The following SHISA9 variants were observed in gnomAD, a reference collection of about 807,000 sequenced individuals.
SHISA9 encodes the protein shisa family member 9.
Under a neutral mutation model 38.0 loss-of-function variants are expected in SHISA9, and 13 were observed. The ratio of observed to expected loss-of-function variants is 0.34; its 90% CI spans 0.22 to 0.54. SHISA9 has a LOEUF of 0.54. SHISA9 is among the 20% of genes least tolerant of loss of function. The pLI is 0.91. For missense variants in SHISA9, 538 were observed against 575.8 expected, an observed-to-expected ratio of 0.93 and a Z score of 0.67; for synonymous variants, 275 against 242.0, an observed-to-expected ratio of 1.14 and a Z score of -1.27.
At chr16:13,433,405 T>C in the SHISA9 span, among the ~76,000 whole-genome samples, 1 of 152,216 alleles carries the variant, frequency 6.6e-6, no homozygotes, top group African/African-American at 2.4e-5. Context: ...CTTAGAAAAA[T>C]GTAGTTAGTG....
chr16:13,517,232 C>T, the SHISA9 span, among the ~76,000 whole-genome samples: 8 of 152,128 alleles, frequency 5.3e-5, no homozygotes, highest in South Asian at 4.1e-4. Context: ...TGGTAACCAT[C>T]GGAAGCTAAG....
intron 2 of SHISA9, among the ~76,000 whole-genome samples, chr16:12,969,072 G>A (rs1324394099): frequency 2.6e-5 from 4 of 151,502 alleles, no homozygotes; most frequent in Admixed American, 2.0e-4. Context: ...CTGGAGAATC[G>A]CTTGAACCTA....
chr16:13,138,043 C>G (rs2050365704), intron 2 of SHISA9, among the ~76,000 whole-genome samples: 1 of 152,170 alleles, frequency 6.6e-6, no homozygotes, highest in South Asian at 2.1e-4. Context: ...GAGATTCTGA[C>G]TCGGTGGGTC....
At chr16:13,363,787 T>C in the SHISA9 span, among the ~76,000 whole-genome samples, 1 of 152,210 alleles carries the variant, frequency 6.6e-6, no homozygotes, top group Admixed American at 6.5e-5. Flanking sequence ...TTCCTTAGCA[T>C]GCATGATAGA....
At chr16:13,132,950 G>T (rs1016888747) in intron 2 of SHISA9, among the ~76,000 whole-genome samples, 2 of 152,188 alleles carry the variant, frequency 1.3e-5, no homozygotes, top group Non-Finnish European at 2.9e-5. Context: ...CCATCACTTG[G>T]GGAAGGTGTA....
chr16:12,920,239 G>A (rs1488442578), intron 2 of SHISA9, among the ~76,000 whole-genome samples: 1 of 152,174 alleles, frequency 6.6e-6, no homozygotes, highest in East Asian at 1.9e-4. Flanking sequence ...GTTAATGGGT[G>A]CAGCACACCA....
intron 2 of SHISA9, among the ~76,000 whole-genome samples, chr16:12,941,076 G>T (rs1432258367): frequency 6.6e-6 from 1 of 152,222 alleles, no homozygotes; most frequent in East Asian, 1.9e-4. Context: ...TTTTGGCCAG[G>T]TGCAATGGCT....
At chr16:13,461,856 G>A in the SHISA9 span, among the ~76,000 whole-genome samples, 33 of 151,752 alleles carry the variant, frequency 2.2e-4, no homozygotes, top group South Asian at 2.5e-3. Flanking sequence ...CTCGTGATCC[G>A]CCCACCTCGG....
At chr16:13,544,692 C>A in the SHISA9 span, among the ~76,000 whole-genome samples, 1 of 151,996 alleles carries the variant, frequency 6.6e-6, no homozygotes, top group Non-Finnish European at 1.5e-5. Context: ...CCTGTAATCC[C>A]AGCACTTTGG....
At chr16:13,265,335 C>T in the SHISA9 span, among the ~76,000 whole-genome samples, 1 of 109,802 alleles carries the variant, frequency 9.1e-6, no homozygotes. Context: ...TCTTTCCCCT[C>T]CCCTTTCATC....
At chr16:12,993,470 A>G (rs2072415858) in intron 2 of SHISA9, among the ~76,000 whole-genome samples, 1 of 152,162 alleles carries the variant, frequency 6.6e-6, no homozygotes, top group Non-Finnish European at 1.5e-5. Context: ...TCCTTCAATC[A>G]ATACATCTAG....
the SHISA9 span, among the ~76,000 whole-genome samples, chr16:13,247,943 G>A: frequency 5.9e-5 from 9 of 152,204 alleles, no homozygotes; most frequent in South Asian, 1.9e-3. Context: ...AATTTACAAT[G>A]TGCGGGTGCC....
chr16:13,028,134 G>T (rs2072947768), intron 2 of SHISA9, among the ~76,000 whole-genome samples: 1 of 151,960 alleles, frequency 6.6e-6, no homozygotes, highest in African/African-American at 2.4e-5. Flanking sequence ...GATTGTCATG[G>T]TGGTCTTGAC....
chr16:13,403,947 T>TCA, the SHISA9 span, among the ~76,000 whole-genome samples: 2 of 152,186 alleles, frequency 1.3e-5, no homozygotes, highest in Non-Finnish European at 2.9e-5. Flanking sequence ...GATGTTTCTG[T>TCA]GACCCTATCA....
chr16:13,539,358 T>TATATATAA, the SHISA9 span, among the ~76,000 whole-genome samples: 87 of 65,296 alleles, frequency 1.3e-3, 2 homozygotes, highest in Admixed American at 3.8e-3. Flanking sequence ...TATATATATA[T>TATATATAA]AAAGACAGGA....
chr16:13,420,245 CAAAAAAAAAAAAAAAAA>C, the SHISA9 span, among the ~76,000 whole-genome samples: 138 of 50,418 alleles, frequency 2.7e-3, 1 homozygote, highest in East Asian at 0.056. Flanking sequence ...GAATCTGTTT[CAAAAAAAAAAAAAAAAA>C]AAAAAAAAAA....
At chr16:13,266,725 T>C in the SHISA9 span, among the ~76,000 whole-genome samples, 1 of 152,036 alleles carries the variant, frequency 6.6e-6, no homozygotes, top group Non-Finnish European at 1.5e-5. Context: ...GAGTAGGTAG[T>C]GGTGGGTGGA....
intron 2 of SHISA9, among the ~76,000 whole-genome samples, chr16:13,187,442 C>T (rs1288863597): frequency 6.8e-6 from 1 of 147,178 alleles, no homozygotes; most frequent in Non-Finnish European, 1.5e-5. Context: ...TCAAGCGATT[C>T]TCCTGTCTCA....
chr16:13,072,439 C>T (rs1376206180), intron 2 of SHISA9, among the ~76,000 whole-genome samples: 2 of 152,096 alleles, frequency 1.3e-5, no homozygotes, highest in African/African-American at 4.8e-5. Flanking sequence ...GGACCTGCTA[C>T]CTTTTAGTTA....
Sources: allele counts gnomAD v4.1 joint callset (sites outside exome capture counted in the v4.1 genomes callset), GRCh38; gene constraint gnomAD v4.1.1; transcripts MANE v1.5; gene names NCBI Gene and HGNC (gene_info 2026-07-23, HGNC 2026-07-21).